EAPP: variants seen among roughly 807,000 people sequenced by gnomAD.
EAPP encodes E2F associated phosphoprotein.
EAPP carries 38 observed loss-of-function variants against 34.3 expected under a neutral mutation model. That is an observed-to-expected ratio of 1.11 (90% CI 0.85 to 1.45). The LOEUF (loss-of-function observed/expected upper bound fraction) is 1.45, where lower values mean the gene tolerates loss of function less well. EAPP is among the 40% of genes most tolerant of loss of function. The pLI is 0.00. For missense variants in EAPP, 338 were observed against 343.7 expected (o/e 0.98, Z 0.13); for synonymous variants, 113 against 117.6 (o/e 0.96, Z 0.25).
At chr14:34,529,912 G>A (rs1880226850) in intron 3 of EAPP, among the ~76,000 whole-genome samples, 1 of 152,026 alleles carries the variant, frequency 6.6e-6, no homozygotes, top group Non-Finnish European at 1.5e-5. Context: ...GCTACTTGGG[G>A]GCCTGAGGCA....
chr14:34,525,167 G>A (rs558419872), intron 4 of EAPP, among the ~76,000 whole-genome samples: 1 of 152,242 alleles, frequency 6.6e-6, no homozygotes, highest in African/African-American at 2.4e-5. Flanking sequence ...ATAAATGGAG[G>A]AGAACAGACA....
Position 34,516,051 on chromosome 14 carries a change from A to G in EAPP, c.*259T>C. The stretch of plus-strand genomic sequence containing the variant: ...AACATTTTAATTCTACAGAGCTTTA[A>G]TAAAAAGCCCGACAGTTTCCAAATG... On this transcript the variant is annotated 3_prime_UTR_variant, in exon 6 of 6. Coordinates refer to ENST00000250454, the MANE Select transcript of EAPP (RefSeq NM_018453.4). 2.7e-6 allele frequency: 1 copy of G among 373,336 alleles called. No homozygotes were observed. Among genetic ancestry groups the G allele is most frequent in the Non-Finnish European group, 4.8e-6 (1 of 208,816 alleles). 23.1% of individuals were successfully genotyped at this position (373,336 alleles called of 1,614,324 possible). A position where few individuals can be genotyped will look rare whatever the true frequency, so the allele number is the denominator to read the frequency against.
chr14:34,539,168 T>C (rs1237850274), intron 1 of EAPP: 3 of 348,220 alleles, frequency 8.6e-6, no homozygotes, highest in South Asian at 4.9e-5. Flanking sequence ...ACAACAAACA[T>C]AGTGTGTTAT....
intron 4 of EAPP, among the ~76,000 whole-genome samples, chr14:34,526,887 A>AG: frequency 6.7e-6 from 1 of 149,808 alleles, no homozygotes; most frequent in Non-Finnish European, 1.5e-5. Context: ...TAAAAAAAAA[A>AG]TGACCGGGTG....
intron 3 of EAPP, among the ~76,000 whole-genome samples, chr14:34,531,637 T>C (rs973510178): frequency 2.0e-5 from 3 of 152,006 alleles, no homozygotes; most frequent in African/African-American, 4.8e-5. Flanking sequence ...ACATACATTC[T>C]AACAGGTCAA....
chr14:34,517,128 T>C (rs537075333), intron 5 of EAPP, among the ~76,000 whole-genome samples: 12 of 150,738 alleles, frequency 8.0e-5, no homozygotes, highest in South Asian at 4.2e-4. Flanking sequence ...TTAGTAGAGA[T>C]GGGGTTTCAT....
At chr14:34,522,485 G>C (rs1381409906) in intron 5 of EAPP, among the ~76,000 whole-genome samples, 1 of 152,068 alleles carries the variant, frequency 6.6e-6, no homozygotes, top group Admixed American at 6.6e-5. Context: ...GTGTCTTGTG[G>C]ATGTAAATGT....
intron 4 of EAPP, among the ~76,000 whole-genome samples, chr14:34,526,467 A>C (rs939083109): frequency 6.6e-6 from 1 of 151,614 alleles, no homozygotes; most frequent in Non-Finnish European, 1.5e-5. Flanking sequence ...GCCAGGCTGG[A>C]ATTACACCTG....
chr14:34,518,800 A>G (rs1879821151), intron 5 of EAPP, among the ~76,000 whole-genome samples: 1 of 152,114 alleles, frequency 6.6e-6, no homozygotes, highest in Non-Finnish European at 1.5e-5. Flanking sequence ...AGCTATTCCT[A>G]TACTGGTTTC....
At chr14:34,523,897 A>G (rs972085831) in intron 5 of EAPP, among the ~76,000 whole-genome samples, 2 of 152,114 alleles carry the variant, frequency 1.3e-5, no homozygotes, top group Admixed American at 6.6e-5. Context: ...AATTGTATAA[A>G]GATTAGTCAC....
intron 5 of EAPP, 40 bp downstream of exon 5, chr14:34,524,657 A>AGTG: frequency 1.2e-6 from 1 of 853,968 alleles, no homozygotes; most frequent in Non-Finnish European, 1.9e-6. Context: ...CAAAATATGT[A>AGTG]TGTGTGTGTG....
intron 2 of EAPP, among the ~76,000 whole-genome samples, chr14:34,534,135 C>CTT (rs533056088): frequency 2.1e-4 from 30 of 141,638 alleles, no homozygotes; most frequent in Admixed American, 2.9e-4. Flanking sequence ...GTCCTACTTC[C>CTT]TTTTTTTTTT....
chr14:34,520,071 G>C (rs1879867166), intron 5 of EAPP, among the ~76,000 whole-genome samples: 1 of 151,784 alleles, frequency 6.6e-6, no homozygotes, highest in South Asian at 2.1e-4. Context: ...ATTTTTAGTA[G>C]AGATGGGGTT....
rs1251248596 is a variant in EAPP at position 34,537,433 on chromosome 14, T to C, written c.75-1158A>G. Among the ~76,000 whole-genome samples the C allele has an allele frequency of 4.6e-5, 7 of 152,226 alleles. No homozygotes were observed. The East Asian group carries it at 1.3e-3, about 29-fold the overall frequency. On this transcript the variant is annotated intron_variant, in intron 1 of 5. Transcript: ENST00000250454. ...TACAAATTTTCTTCAATCCTTGTCA[T>C]TATCTCAACCAAAGTCTCAGTTTTC...
intron 4 of EAPP, among the ~76,000 whole-genome samples, chr14:34,526,195 C>T (rs1012886752): frequency 6.6e-6 from 1 of 151,954 alleles, no homozygotes; most frequent in Admixed American, 6.6e-5. Context: ...CTTTGGGAGG[C>T]TGAGGTGGGT....
intron 1 of EAPP, 177 bp downstream of exon 1, chr14:34,539,378 T>G (rs938167087): frequency 2.8e-6 from 2 of 723,534 alleles, no homozygotes; most frequent in Non-Finnish European, 4.9e-6. Context: ...CGGCACCGCC[T>G]CCCCCCGGGA....
At chr14:34,539,105 T>C (rs530409999) in intron 1 of EAPP, among the ~76,000 whole-genome samples, 2 of 152,346 alleles carry the variant, frequency 1.3e-5, no homozygotes, top group Non-Finnish European at 2.9e-5. Context: ...TATTTCTGTT[T>C]ATGGCAGTTT....
At chr14:34,534,700 C>G (rs2138223632) in intron 2 of EAPP, among the ~76,000 whole-genome samples, 1 of 152,058 alleles carries the variant, frequency 6.6e-6, no homozygotes, top group South Asian at 2.1e-4. Context: ...GAACACAAGA[C>G]AGTCATCAAA....
chr14:34,538,481 T>A (rs1017877614), intron 1 of EAPP, among the ~76,000 whole-genome samples: 1 of 152,212 alleles, frequency 6.6e-6, no homozygotes, highest in Non-Finnish European at 1.5e-5. Context: ...CAGGGAATCC[T>A]GGTATCTATC....
Sources: gnomAD v4.1 joint callset for allele counts (sites outside exome capture counted in the v4.1 genomes callset) on GRCh38, gnomAD v4.1.1 for gene constraint, MANE v1.5 for transcripts, NCBI Gene and HGNC (gene_info 2026-07-23, HGNC 2026-07-21) for gene names.